Variants in P2RY2 observed in about 807,000 individuals in gnomAD.
The protein encoded by P2RY2 is P2Y purinoceptor 2.
For missense variants in P2RY2, 567 were observed against 515.7 expected (o/e 1.10, Z -0.96); for synonymous variants, 241 against 231.9 (o/e 1.04, Z -0.35).
At chr11:73,226,693 C>T (rs1044146678) in intron 1 of P2RY2, among the ~76,000 whole-genome samples, 1 of 152,152 alleles carries the variant, frequency 6.6e-6, no homozygotes, top group Non-Finnish European at 1.5e-5. Flanking sequence ...CTGTGAGGTA[C>T]CTGAGGTGCT....
intron 2 of P2RY2, among the ~76,000 whole-genome samples, chr11:73,232,455 A>T (rs1862486791): frequency 6.6e-6 from 1 of 152,052 alleles, no homozygotes; most frequent in African/African-American, 2.4e-5. Flanking sequence ...TGTGTCACCC[A>T]GGCTGGAGTA....
At position 73,234,707 on chromosome 11, in the gene P2RY2, G is replaced by T. The variant is rs753448471; in HGVS notation, c.548G>T (p.Cys183Phe). 2.5e-6 allele frequency: 4 copies of T among 1,607,214 alleles called. No individual in the cohort carries two copies. Among genetic ancestry groups the T allele is most frequent in the Non-Finnish European group, 3.4e-6 (4 of 1,178,636 alleles). Reference sequence around the variant, plus strand: ...AGCGCGCGCGGGGGCCGCGTAACCTGCCACGACACCTCGGCACCCGAGCTC... The same window carrying T: ...AGCGCGCGCGGGGGCCGCGTAACCTTCCACGACACCTCGGCACCCGAGCTC... Reference protein sequence around the residue: ...TTSARGGRVTCHDTSAPELFS... With the variant: ...TTSARGGRVTFHDTSAPELFS... Residue 183 changes from cysteine to phenylalanine, a missense_variant, in exon 3 of 3, where the codon TGC becomes TTC. By Grantham distance (205) the Cys-to-Phe change is radical (BLOSUM62 -2). Coordinates refer to ENST00000393597, the MANE Select transcript of P2RY2 (RefSeq NM_002564.4).
Position 73,237,396 on chromosome 11 carries a change from C to T in P2RY2, c.*2103C>T, listed in dbSNP as rs141319331. Among the ~76,000 whole-genome samples the T allele has an allele frequency of 3.6e-3, 550 of 152,092 alleles. 7 individuals are homozygous for T. Among genetic ancestry groups the T allele is most frequent in the African/African-American group, 0.013 (531 of 41,466 alleles). On this transcript the variant is annotated 3_prime_UTR_variant, in exon 3 of 3. Transcript: ENST00000393597. ...CCAAGTAGCTGGGATTACAGGTATG[C>T]GCCACCACACCTGGCTAATTTTTGT...
Position 73,234,635 on chromosome 11 carries a change from T to C in P2RY2, c.476T>C (p.Val159Ala). The change falls in exon 3 of 3, where the codon GTG (valine) becomes GCG (alanine). Residue 159 changes from valine (V) to alanine (A), a missense_variant. Coordinates refer to ENST00000393597, the MANE Select transcript of P2RY2 (RefSeq NM_002564.4). ...YARRVAGAVW[V>A]LVLACQAPVL... Reference sequence around the variant, plus strand: ...CGCCGGGTGGCCGGGGCCGTGTGGGTGTTGGTGCTGGCCTGCCAGGCCCCC... The same window carrying C: ...CGCCGGGTGGCCGGGGCCGTGTGGGCGTTGGTGCTGGCCTGCCAGGCCCCC... The C allele has an allele frequency of 1.9e-6, 3 of 1,574,284 alleles. No individual in the cohort carries two copies. Among genetic ancestry groups the C allele is most frequent in the East Asian group, 2.2e-5 (1 of 44,484 alleles).
chr11:73,233,754 G>A (rs1591638063), intron 2 of P2RY2, among the ~76,000 whole-genome samples: 1 of 152,190 alleles, frequency 6.6e-6, no homozygotes, highest in Admixed American at 6.5e-5. Context: ...TGAGTGGCTA[G>A]GATTATAGGC....
At position 73,237,193 on chromosome 11, in the gene P2RY2, A is replaced by C. The variant is rs1031227681; in HGVS notation, c.*1900A>C. ...CTGCCCAGAATAGTGTGAGCTATTC[A>C]CCTCTCACCTTCTAGGTTCTATACT... On this transcript the variant is annotated 3_prime_UTR_variant, in exon 3 of 3. Coordinates refer to ENST00000393597, the MANE Select transcript of P2RY2 (RefSeq NM_002564.4). The C allele has an allele frequency of 1.3e-6, 1 of 767,436 alleles. No homozygotes were observed. Among genetic ancestry groups the C allele is most frequent in the African/African-American group, 1.9e-5 (1 of 52,986 alleles). 47.5% of individuals were successfully genotyped at this position (767,436 alleles called of 1,614,324 possible).
In P2RY2 at chr11:73,234,587, G is replaced by A; in HGVS notation, c.428G>A (p.Arg143His). ...LGVLRPLRSL[R>H]WGRARYARRV... Reference sequence around the variant, plus strand: ...GTCTTACGACCTCTGCGCTCCCTGCGCTGGGGCCGGGCCCGCTACGCTCGC... The same window carrying A: ...GTCTTACGACCTCTGCGCTCCCTGCACTGGGGCCGGGCCCGCTACGCTCGC... Residue 143 changes from arginine to histidine, a missense_variant, in exon 3 of 3, where the codon CGC becomes CAC. Transcript: ENST00000393597. 4.4e-6 allele frequency: 7 copies of A among 1,573,404 alleles called. No homozygotes were observed. The highest frequency in any genetic ancestry group is 2.2e-5 in the East Asian group (1 of 44,546).
At position 73,236,791 on chromosome 11, in the gene P2RY2, G is replaced by A. The variant is rs1862664557; in HGVS notation, c.*1498G>A. 1 of 985,402 alleles carries A rather than the reference G, an allele frequency of 1.0e-6. No individual in the cohort carries two copies. The highest frequency in any genetic ancestry group is 1.2e-6 in the Non-Finnish European group (1 of 829,920). 61.0% of individuals were successfully genotyped at this position (985,402 alleles called of 1,614,324 possible). On this transcript the variant is annotated 3_prime_UTR_variant, in exon 3 of 3. Coordinates refer to ENST00000393597, the MANE Select transcript of P2RY2 (RefSeq NM_002564.4). Reference sequence around the variant, plus strand: ...CAGGGTGGTGCTCAGGCTGGGTCAGGACTTAGTATGGGGGAGATGGGTCTC... The same window carrying A: ...CAGGGTGGTGCTCAGGCTGGGTCAGAACTTAGTATGGGGGAGATGGGTCTC...
In P2RY2 at chr11:73,234,576, G is replaced by A; in HGVS notation, c.417G>A (p.Leu139=). ...GGTGTCTGGGCGTCTTACGACCTCT[G>A]CGCTCCCTGCGCTGGGGCCGGGCCC... ...VHRCLGVLRP[L]RSLRWGRARY... The change falls in exon 3 of 3, where the codon CTG becomes CTA. Residue 139 remains leucine (L), a synonymous_variant. Coordinates refer to ENST00000393597, the MANE Select transcript of P2RY2 (RefSeq NM_002564.4). 1.3e-6 allele frequency: 2 copies of A among 1,577,440 alleles called. No individual in the cohort carries two copies. The highest frequency in any genetic ancestry group is 2.4e-5 in the South Asian group (2 of 83,652).
At chr11:73,224,993 C>T (rs998805200) in intron 1 of P2RY2, among the ~76,000 whole-genome samples, 5 of 152,208 alleles carry the variant, frequency 3.3e-5, no homozygotes, top group Non-Finnish European at 7.3e-5. Context: ...GAGGAGAACT[C>T]GGATTTCCCA....
chr11:73,234,474 C>T lies in P2RY2; in HGVS notation c.315C>T (p.Leu105=), dbSNP rs776211720. 6.8e-6 allele frequency: 11 copies of T among 1,614,162 alleles called. No homozygotes were observed. The South Asian group carries it at 9.9e-5, about 14-fold the overall frequency. Residue 105 remains leucine (L), a synonymous_variant, in exon 3 of 3, where the codon CTC becomes CTT. Coordinates refer to ENST00000393597, the MANE Select transcript of P2RY2 (RefSeq NM_002564.4). ...ACCACTGGCCCTTCAGCACGGTGCTCTGCAAGCTGGTGCGCTTCCTCTTCT... is the reference window on the plus strand; with the variant it reads ...ACCACTGGCCCTTCAGCACGGTGCTTTGCAAGCTGGTGCGCTTCCTCTTCT... The part of the protein sequence containing the change: ...RGDHWPFSTV[L]CKLVRFLFYT...
intron 2 of P2RY2, chr11:73,233,899 C>T: frequency 1.9e-6 from 1 of 525,622 alleles, no homozygotes; most frequent in Non-Finnish European, 3.4e-6. Context: ...TGTGTTCCAA[C>T]AAAGCTGAAT....
intron 1 of P2RY2, among the ~76,000 whole-genome samples, chr11:73,222,845 C>T (rs1295297723): frequency 6.6e-6 from 1 of 152,180 alleles, no homozygotes; most frequent in Non-Finnish European, 1.5e-5. Context: ...GGTTTATTCA[C>T]CCAAGTGGAT....
Position 73,238,078 on chromosome 11 carries a change from C to T in P2RY2, c.*2785C>T, listed in dbSNP as rs1314369832. Reference sequence around the variant, plus strand: ...TCCAGCCCAGCTGCAGACTCAAGGCCAGAGATGGGCAGGGCTGAGCCCAAG... The same window carrying T: ...TCCAGCCCAGCTGCAGACTCAAGGCTAGAGATGGGCAGGGCTGAGCCCAAG... On this transcript the variant is annotated 3_prime_UTR_variant, in exon 3 of 3. Coordinates refer to ENST00000393597, the MANE Select transcript of P2RY2 (RefSeq NM_002564.4). 6.6e-6 allele frequency among the ~76,000 whole-genome samples: 1 copy of T among 152,190 alleles called. No homozygotes were observed. The highest frequency in any genetic ancestry group is 1.5e-5 in the Non-Finnish European group (1 of 68,038).
chr11:73,229,729 T>C (rs577617655), intron 2 of P2RY2, among the ~76,000 whole-genome samples: 31 of 152,202 alleles, frequency 2.0e-4, no homozygotes, highest in African/African-American at 6.7e-4. Context: ...CATCTCAGTG[T>C]CAGAGATTCC....
chr11:73,233,662 T>G (rs555622311), intron 2 of P2RY2, among the ~76,000 whole-genome samples: 1 of 152,346 alleles, frequency 6.6e-6, no homozygotes, highest in South Asian at 2.1e-4. Flanking sequence ...GCCTGGCTAA[T>G]TTTTAAAAGA....
chr11:73,224,277 T>C (rs1446209552), intron 1 of P2RY2, among the ~76,000 whole-genome samples: 1 of 152,176 alleles, frequency 6.6e-6, no homozygotes, highest in African/African-American at 2.4e-5. Context: ...AGCCTTGCCC[T>C]CTCCACTCCC....
chr11:73,225,466 T>G (rs1862251420), intron 1 of P2RY2, among the ~76,000 whole-genome samples: 1 of 152,220 alleles, frequency 6.6e-6, no homozygotes, highest in Non-Finnish European at 1.5e-5. Flanking sequence ...ACCACCCATC[T>G]GAAAAGAGTA....
In P2RY2 at chr11:73,237,537, C is replaced by T. The variant is rs1044488734; in HGVS notation, c.*2244C>T. Among the ~76,000 whole-genome samples the T allele has an allele frequency of 3.3e-5, 5 of 152,172 alleles. No homozygotes were observed. Among genetic ancestry groups the T allele is most frequent in the South Asian group, 2.1e-4 (1 of 4,832 alleles). On this transcript the variant is annotated 3_prime_UTR_variant, in exon 3 of 3. Transcript: ENST00000393597. The stretch of plus-strand genomic sequence containing the variant: ...TGCTGGGATTACAGGTATGAGCCAC[C>T]GCACCCGGCCCCTCTTGAGCTTTCT...
Sources: allele counts gnomAD v4.1 joint callset (sites outside exome capture counted in the v4.1 genomes callset), GRCh38; gene constraint gnomAD v4.1.1; transcripts MANE v1.5; gene names NCBI Gene and HGNC (gene_info 2026-07-23, HGNC 2026-07-21).